Variants in MYO9B observed in about 807,000 individuals in gnomAD.
MYO9B encodes the protein myosin IXB.
In MYO9B, 71 loss-of-function variants were observed where a neutral mutation model predicts 229.5. That is an observed-to-expected ratio of 0.31 (90% CI 0.26 to 0.38). The LOEUF is 0.38. Ranked by LOEUF, MYO9B falls within the 10% of genes least tolerant of loss-of-function variation. The pLI is 1.00. For missense variants in MYO9B, 2,255 were observed against 2,920.5 expected, an observed-to-expected ratio of 0.77 and a Z score of 5.25; for synonymous variants, 1,185 against 1,235.8, an observed-to-expected ratio of 0.96 and a Z score of 0.86.
chr19:17,145,602 C>A, intron 3 of MYO9B, 111 bp downstream of exon 3: 1 of 961,300 alleles, frequency 1.0e-6, no homozygotes, highest in Non-Finnish European at 1.7e-6. Flanking sequence ...GATGTTTATG[C>A]TTTGTATGGG....
chr19:17,079,154 A>T (rs917053800), intron 1 of MYO9B, among the ~76,000 whole-genome samples: 1 of 152,118 alleles, frequency 6.6e-6, no homozygotes, highest in African/African-American at 2.4e-5. Flanking sequence ...GTGAAATGTG[A>T]TGCTCATTAG....
chr19:17,187,008 G>A (rs1476031622), intron 18 of MYO9B, among the ~76,000 whole-genome samples: 2 of 152,102 alleles, frequency 1.3e-5, no homozygotes, highest in Non-Finnish European at 2.9e-5. Flanking sequence ...GATTACAAGC[G>A]TAAGCCACCG....
chr19:17,165,387 CT>C (rs908956670), intron 10 of MYO9B, among the ~76,000 whole-genome samples: 1 of 150,386 alleles, frequency 6.6e-6, no homozygotes, highest in African/African-American at 2.4e-5. Context: ...TTAATTTCAC[CT>C]TTTTTTTTAC....
rs907281522 is a variant in MYO9B at position 17,185,991 on chromosome 19, A to G, written c.2567A>G (p.Asn856Ser). Residue 856 changes from asparagine (N) to serine (S), a missense_variant, in exon 18 of 40, where the codon AAT becomes AGT. Physicochemically the swap from Asn to Ser is conservative, Grantham distance 46. Around this residue, in one of 7 missense-constraint regions of MYO9B, gnomAD observed 68 missense variants for 133.5 expected, o/e 0.51. Coordinates refer to ENST00000682292, the MANE Select transcript of MYO9B (RefSeq NM_004145.4). ...EPFFIRCIRSNAEKKELCFDD... is the reference protein window; with the variant it reads ...EPFFIRCIRSSAEKKELCFDD... ...TTCTTTATCCGCTGCATCCGTTCCA[A>G]TGCTGAAAAGGTGAGTTTCTCTAAG... The G allele has an allele frequency of 3.1e-6, 5 of 1,613,740 alleles. No individual in the cohort carries two copies. The highest frequency in any genetic ancestry group is 2.2e-5 in the East Asian group (1 of 44,854).
At chr19:17,082,304 T>G (rs2057540700) in intron 1 of MYO9B, among the ~76,000 whole-genome samples, 1 of 152,134 alleles carries the variant, frequency 6.6e-6, no homozygotes, top group Non-Finnish European at 1.5e-5. Flanking sequence ...CTGCCTGGCC[T>G]GGGGACTCGC....
rs62127946 is a variant in MYO9B at position 17,184,071 on chromosome 19, G to C, written c.2373+203G>C. On this transcript the variant is annotated intron_variant, in intron 16 of 39. Coordinates refer to ENST00000682292, the MANE Select transcript of MYO9B (RefSeq NM_004145.4). Reference sequence around the variant, plus strand: ...TTCCCAGAAGCAGGGTCTGAGATGGGGTATTTGCACACACAGCGGCTTATG... The same window carrying C: ...TTCCCAGAAGCAGGGTCTGAGATGGCGTATTTGCACACACAGCGGCTTATG... 2,107 of 599,452 alleles carry C rather than the reference G, an allele frequency of 3.5e-3. 9 individuals carry two copies. Among genetic ancestry groups the C allele is most frequent in the Non-Finnish European group, 5.5e-3 (1,895 of 343,654 alleles). The allele number at this position is 599,452 out of a possible 1,614,324, so 37.1% of individuals were successfully genotyped here. A position where few individuals can be genotyped will look rare whatever the true frequency, so the allele number is the denominator to read the frequency against.
chr19:17,085,141 A>G (rs2057570284), intron 1 of MYO9B, among the ~76,000 whole-genome samples: 1 of 152,094 alleles, frequency 6.6e-6, no homozygotes, highest in Admixed American at 6.6e-5. Context: ...GGAGCTGGGG[A>G]GTGGCTGTTT....
intron 11 of MYO9B, 129 bp downstream of exon 11, chr19:17,168,193 C>G: frequency 2.4e-6 from 3 of 1,269,012 alleles, no homozygotes; most frequent in South Asian, 1.4e-5. Flanking sequence ...GAGACAGGGT[C>G]TCACTCTGTC....
rs757646709 is a variant in MYO9B at position 17,211,966 on chromosome 19, C to T, written c.6130C>T (p.Pro2044Ser). 8 of 1,578,556 alleles carry T rather than the reference C, an allele frequency of 5.1e-6. No individual in the cohort carries two copies. The highest frequency in any genetic ancestry group is 3.5e-5 in the South Asian group (3 of 86,706). ...CCCCCTCCCCACCGTGGCCGCCCCT[C>T]CACGACGAAGGCCGTCGTCCTTCGT... ...PSPLPTVAAP[P>S]RRRPSSFVTV... Residue 2044 changes from proline to serine, a missense_variant, in exon 40 of 40, where the codon CCA becomes TCA. This residue lies in a region of MYO9B where 331 missense variants were observed against 332.5 expected (regional missense o/e 1.00). Transcript: ENST00000682292.
intron 13 of MYO9B, 107 bp downstream of exon 13, chr19:17,173,070 G>A: frequency 7.5e-7 from 1 of 1,339,742 alleles, no homozygotes; most frequent in East Asian, 2.5e-5. Context: ...CATTCATTAT[G>A]TTGTGCAAAC....
intron 9 of MYO9B, 64 bp downstream of exon 9, chr19:17,162,530 C>T: frequency 5.9e-6 from 8 of 1,346,624 alleles, no homozygotes; most frequent in Non-Finnish European, 8.2e-6. Context: ...CTACCAATAT[C>T]CTTGGTGGGC....
chr19:17,146,491 A>G (rs1159474674), intron 3 of MYO9B, among the ~76,000 whole-genome samples: 1 of 151,684 alleles, frequency 6.6e-6, no homozygotes, highest in East Asian at 1.9e-4. Flanking sequence ...AAGTGAATGG[A>G]TAGAATCATA....
At chr19:17,112,782 G>A (rs1443980101) in intron 2 of MYO9B, among the ~76,000 whole-genome samples, 1 of 152,248 alleles carries the variant, frequency 6.6e-6, no homozygotes, top group Admixed American at 6.5e-5. Flanking sequence ...GCATGACCCA[G>A]TCAGAGAGGG....
chr19:17,204,970 G>A (rs977466226), intron 30 of MYO9B, among the ~76,000 whole-genome samples: 2 of 151,978 alleles, frequency 1.3e-5, no homozygotes, highest in African/African-American at 4.8e-5. Context: ...TGACCAGCAT[G>A]GAGAAACCCT....
At chr19:17,174,933 CA>C (rs1159104694) in intron 13 of MYO9B, among the ~76,000 whole-genome samples, 4 of 131,586 alleles carry the variant, frequency 3.0e-5, no homozygotes, top group Non-Finnish European at 5.0e-5. Flanking sequence ...GACTCTGTCT[CA>C]AAAAAATAAA....
chr19:17,165,660 A>G (rs1427076303), intron 10 of MYO9B, among the ~76,000 whole-genome samples: 1 of 152,160 alleles, frequency 6.6e-6, no homozygotes, highest in African/African-American at 2.4e-5. Context: ...CTGTAGTCCT[A>G]GCTACTGGGG....
rs1426389374 is a variant in MYO9B at position 17,131,833 on chromosome 19, CT to C, written c.841-13561del. Among the ~76,000 whole-genome samples, 8 of 150,800 alleles carry C rather than the reference CT, an allele frequency of 5.3e-5. No individual in the cohort carries two copies. In the South Asian group the frequency reaches 6.3e-4, roughly 12 times the overall value. On this transcript the variant is annotated intron_variant, in intron 2 of 39. Coordinates refer to ENST00000682292, the MANE Select transcript of MYO9B (RefSeq NM_004145.4). ...TTATGACCAATAGCTTTATGGATTT[CT>C]TTCTTCTGTGCTTTTCACGAGGTTT...
intron 38 of MYO9B, 93 bp from the exon 39 acceptor site, chr19:17,211,554 T>G: frequency 6.6e-6 from 8 of 1,220,008 alleles, no homozygotes; most frequent in East Asian, 5.2e-5. Context: ...GGACACAGAG[T>G]TACATCTAGG....
chr19:17,132,169 A>AT (rs1283849663), intron 2 of MYO9B, among the ~76,000 whole-genome samples: 1 of 93,640 alleles, frequency 1.1e-5, no homozygotes, highest in African/African-American at 4.3e-5. Context: ...TGCCTGGCTT[A>AT]TTTTATTTCT....
Sources: gnomAD v4.1 joint callset for allele counts (sites outside exome capture counted in the v4.1 genomes callset) on GRCh38, gnomAD v4.1.1 for gene constraint, gnomAD v4.1.1 regional missense constraint, MANE v1.5 for transcripts, NCBI Gene and HGNC (gene_info 2026-07-23, HGNC 2026-07-21) for gene names.